SPOCK3: variants seen among roughly 807,000 people sequenced by gnomAD.
SPOCK3 encodes the protein SPARC (osteonectin), cwcv and kazal like domains proteoglycan 3.
SPOCK3 carries 30 observed loss-of-function variants against 56.6 expected under a neutral mutation model. The ratio of observed to expected loss-of-function variants is 0.53; its 90% confidence interval spans 0.40 to 0.72. The LOEUF is 0.72. SPOCK3 is among the 30% of genes least tolerant of loss of function. SPOCK3 has a pLI of 0.00. For synonymous variants in SPOCK3, 196 were observed against 183.3 expected (o/e 1.07, Z -0.56); for missense variants, 527 against 530.0 (o/e 0.99, Z 0.06).
At chr4:166,928,031 A>G (rs1739313122) in intron 4 of SPOCK3, among the ~76,000 whole-genome samples, 1 of 152,194 alleles carries the variant, frequency 6.6e-6, no homozygotes. Context: ...ATGGGATAGC[A>G]CTATAAACTT....
At chr4:167,063,601 T>A (rs141629031) in intron 2 of SPOCK3, among the ~76,000 whole-genome samples, 1 of 151,918 alleles carries the variant, frequency 6.6e-6, no homozygotes, top group East Asian at 1.9e-4. Flanking sequence ...TGGTGAAGTC[T>A]CAGCTTGTAG....
intron 6 of SPOCK3, among the ~76,000 whole-genome samples, chr4:166,794,718 C>T (rs1456250317): frequency 6.7e-6 from 1 of 149,272 alleles, no homozygotes; most frequent in Non-Finnish European, 1.5e-5. Context: ...TCTCGGCTCA[C>T]TGCAACCTCT....
intron 4 of SPOCK3, among the ~76,000 whole-genome samples, chr4:166,914,576 G>A (rs545611537): frequency 7.9e-5 from 12 of 152,222 alleles, no homozygotes; most frequent in Non-Finnish European, 1.2e-4. Context: ...TTTGAGACCA[G>A]CCTGACCAAC....
chr4:167,230,195 T>C (rs1737017026), intron 2 of SPOCK3, among the ~76,000 whole-genome samples: 1 of 152,068 alleles, frequency 6.6e-6, no homozygotes, highest in South Asian at 2.1e-4. Flanking sequence ...ATAATGTTAT[T>C]ATACCATGCA....
rs1333120689 is a variant in SPOCK3 at position 166,922,415 on chromosome 4, C to A, written c.351-9672G>T. Reference sequence around the variant, plus strand: ...ATGAAGTTATATTCATCTTTGAGGTCCTGACTTTGATGCCATTGGTTTGTA... The same window carrying A: ...ATGAAGTTATATTCATCTTTGAGGTACTGACTTTGATGCCATTGGTTTGTA... On this transcript the variant is annotated intron_variant, in intron 4 of 10. Transcript: ENST00000357545. 3.3e-5 allele frequency among the ~76,000 whole-genome samples: 5 copies of A among 152,232 alleles called. No individual in the cohort carries two copies. In the East Asian group the frequency reaches 7.7e-4, roughly 24 times the overall value.
At chr4:166,946,002 C>T (rs1358936637) in intron 4 of SPOCK3, among the ~76,000 whole-genome samples, 2 of 150,230 alleles carry the variant, frequency 1.3e-5, no homozygotes, top group African/African-American at 4.9e-5. Context: ...AGGTGTCTGC[C>T]CTAACCACTC....
chr4:166,811,233 C>A (rs9993957), intron 6 of SPOCK3, among the ~76,000 whole-genome samples: 7,961 of 150,426 alleles, frequency 0.053, 646 homozygotes, highest in African/African-American at 0.17. Flanking sequence ...TGTCTTTATT[C>A]TTTTCTTTGT....
chr4:166,926,106 G>C (rs781682883), intron 4 of SPOCK3, among the ~76,000 whole-genome samples: 26 of 152,058 alleles, frequency 1.7e-4, no homozygotes, highest in Non-Finnish European at 3.2e-4. Context: ...ATTATTATTT[G>C]AATAGCATAG....
intron 6 of SPOCK3, among the ~76,000 whole-genome samples, chr4:166,881,891 G>C (rs1176894626): frequency 6.6e-6 from 1 of 151,996 alleles, no homozygotes; most frequent in Non-Finnish European, 1.5e-5. Context: ...AAGCTAATAC[G>C]TCCTATACTA....
intron 2 of SPOCK3, among the ~76,000 whole-genome samples, chr4:167,087,446 A>G (rs923575550): frequency 6.6e-6 from 1 of 152,222 alleles, no homozygotes; most frequent in Non-Finnish European, 1.5e-5. Flanking sequence ...ACGTTACAGT[A>G]AGAACCACTG....
intron 6 of SPOCK3, among the ~76,000 whole-genome samples, chr4:166,862,513 T>C (rs2126914390): frequency 1.3e-5 from 2 of 152,188 alleles, no homozygotes; most frequent in Admixed American, 6.6e-5. Flanking sequence ...TTATCTTACA[T>C]TACAAAATAA....
At chr4:167,113,840 C>A (rs78329218) in intron 2 of SPOCK3, among the ~76,000 whole-genome samples, 2,868 of 152,140 alleles carry the variant, frequency 0.019, 76 homozygotes, top group African/African-American at 0.065. Flanking sequence ...AATGTCTCAG[C>A]CTCTCTCAGC....
intron 3 of SPOCK3, among the ~76,000 whole-genome samples, chr4:167,048,737 A>G (rs1753938020): frequency 6.6e-6 from 1 of 152,160 alleles, no homozygotes; most frequent in Non-Finnish European, 1.5e-5. Flanking sequence ...ATGCAATCTC[A>G]ATACAACTGG....
At chr4:167,180,856 A>T (rs1731393920) in intron 2 of SPOCK3, among the ~76,000 whole-genome samples, 1 of 152,212 alleles carries the variant, frequency 6.6e-6, no homozygotes, top group Non-Finnish European at 1.5e-5. Context: ...ACAAATTTTC[A>T]GCCCGATGAG....
chr4:166,826,033 A>G (rs536442069), intron 6 of SPOCK3, among the ~76,000 whole-genome samples: 8 of 152,202 alleles, frequency 5.3e-5, no homozygotes, highest in South Asian at 2.1e-4. Flanking sequence ...TTCCCCAAAA[A>G]CTATTAAATT....
At chr4:167,054,986 T>C (rs1208912368) in intron 3 of SPOCK3, among the ~76,000 whole-genome samples, 1 of 152,184 alleles carries the variant, frequency 6.6e-6, no homozygotes, top group African/African-American at 2.4e-5. Flanking sequence ...AACATTTTCA[T>C]TGGTGATACC....
intron 2 of SPOCK3, among the ~76,000 whole-genome samples, chr4:167,070,274 T>C (rs1756548065): frequency 6.6e-6 from 1 of 151,916 alleles, no homozygotes. Flanking sequence ...ATATTTATAG[T>C]TGTGGGAAGC....
intron 2 of SPOCK3, among the ~76,000 whole-genome samples, chr4:167,076,530 T>C (rs532503442): frequency 9.9e-5 from 15 of 152,048 alleles, no homozygotes; most frequent in Non-Finnish European, 2.1e-4. Context: ...GCTAATATTA[T>C]ATAGTTTGAA....
chr4:167,083,053 A>T (rs1250265550), intron 2 of SPOCK3, among the ~76,000 whole-genome samples: 5 of 152,048 alleles, frequency 3.3e-5, no homozygotes, highest in Non-Finnish European at 7.4e-5. Context: ...TTCATTTCAG[A>T]CAACGTCGTT....
Sources: allele counts gnomAD v4.1 joint callset (sites outside exome capture counted in the v4.1 genomes callset), GRCh38; gene constraint gnomAD v4.1.1; transcripts MANE v1.5; gene names NCBI Gene and HGNC (gene_info 2026-07-23, HGNC 2026-07-21).